The following URB1 variants were observed in gnomAD, a reference collection of about 807,000 sequenced individuals.
URB1 encodes the protein nucleolar pre-ribosomal-associated protein 1.
In URB1, 197 loss-of-function variants were observed where a neutral mutation model predicts 242.3. That is an observed-to-expected ratio of 0.81 (90% CI 0.72 to 0.91). The LOEUF (loss-of-function observed/expected upper bound fraction) is 0.91. Ranked by LOEUF, URB1 falls within the 40% of genes least tolerant of loss-of-function variation. URB1 has a pLI of 0.00. For missense variants in URB1, 2,721 were observed against 2,860.5 expected, an observed-to-expected ratio of 0.95 and a Z score of 1.11; for synonymous variants, 1,153 against 1,201.8, an observed-to-expected ratio of 0.96 and a Z score of 0.84.
At chr21:32,348,727 G>A (rs1218991171) in intron 21 of URB1, among the ~76,000 whole-genome samples, 1 of 152,204 alleles carries the variant, frequency 6.6e-6, no homozygotes, top group Non-Finnish European at 1.5e-5. Context: ...ACGCTGACTG[G>A]CTAATAATAG....
chr21:32,378,639 A>G, intron 4 of URB1, 98 bp from the exon 5 acceptor site: 3 of 937,850 alleles, frequency 3.2e-6, no homozygotes, highest in Non-Finnish European at 5.0e-6. Flanking sequence ...CCGTCTCAAC[A>G]TCACCAGCCC....
At chr21:32,378,322 C>T in intron 5 of URB1, 123 bp downstream of exon 5, 1 of 841,042 alleles carries the variant, frequency 1.2e-6, no homozygotes, top group Non-Finnish European at 1.9e-6. Flanking sequence ...GCCCCACATC[C>T]TTCAATCTGG....
chr21:32,314,792 G>A lies in URB1; in HGVS notation c.*126C>T, dbSNP rs2032654099. On this transcript the variant is annotated 3_prime_UTR_variant, in exon 39 of 39. Transcript: ENST00000382751. Reference sequence around the variant, plus strand: ...TCAACTTTTCTTGTCAAAGAACTGAGCCAATGTACTGAACCTGTTGTTTCC... The same window carrying A: ...TCAACTTTTCTTGTCAAAGAACTGAACCAATGTACTGAACCTGTTGTTTCC... The A allele has an allele frequency of 9.0e-6, 13 of 1,448,272 alleles. No homozygotes were observed. Among genetic ancestry groups the A allele is most frequent in the Non-Finnish European group, 1.1e-5 (12 of 1,063,648 alleles). The allele number at this position is 1,448,272 out of a possible 1,614,324, so 89.7% of individuals were successfully genotyped here.
chr21:32,379,769 C>T (rs563056264), intron 4 of URB1, among the ~76,000 whole-genome samples: 1 of 152,278 alleles, frequency 6.6e-6, no homozygotes, highest in East Asian at 1.9e-4. Context: ...GAGGGTGGAT[C>T]ACTTGAGGTT....
Position 32,321,237 on chromosome 21 carries a change from C to T in URB1, c.5484+564G>A, listed in dbSNP as rs1048865866. On this transcript the variant is annotated intron_variant, in intron 34 of 38. Coordinates refer to ENST00000382751, the MANE Select transcript of URB1 (RefSeq NM_014825.3). ...ACTACGCTAGAAATTAATCAAAATA[C>T]TAAAAGCTTTTCCTATTTCCTTCTA... is the stretch of plus-strand genomic sequence containing the variant. Among the ~76,000 whole-genome samples the T allele has an allele frequency of 5.3e-5, 8 of 152,238 alleles. No individual in the cohort carries two copies. The South Asian group carries it at 1.4e-3, about 28-fold the overall frequency.
Position 32,347,734 on chromosome 21 carries a change from G to A in URB1, c.3090C>T (p.Ala1030=). The change falls in exon 22 of 39, where the codon GCC becomes GCT. Residue 1030 remains alanine, a synonymous_variant. Coordinates refer to ENST00000382751, the MANE Select transcript of URB1 (RefSeq NM_014825.3). ...EGWFLALEQQ[A]LPPHTLSPVL... is the part of the protein sequence containing the mutation. The stretch of plus-strand genomic sequence containing the variant: ...CAGGGCTGAGCGTGTGCGGCGGGAG[G>A]GCCTGCTGCTCCAGGGCCAGGAACC... The A allele has an allele frequency of 1.9e-6, 3 of 1,550,160 alleles. No individual in the cohort carries two copies. The highest frequency in any genetic ancestry group is 1.2e-5 in the South Asian group (1 of 84,056).
intron 36 of URB1, among the ~76,000 whole-genome samples, chr21:32,318,709 T>A (rs546268733): frequency 6.6e-6 from 1 of 152,324 alleles, no homozygotes; most frequent in Non-Finnish European, 1.5e-5. Flanking sequence ...ATTTAGCTCT[T>A]CTGAGGAAAC....
At chr21:32,386,149 A>AG (rs2033581775) in intron 1 of URB1, among the ~76,000 whole-genome samples, 1 of 144,040 alleles carries the variant, frequency 6.9e-6, no homozygotes, top group Non-Finnish European at 1.5e-5. Context: ...ACTCTGTCTC[A>AG]GGAAAAAAAA....
At chr21:32,362,669 T>G (rs532787331) in intron 11 of URB1, among the ~76,000 whole-genome samples, 1 of 152,260 alleles carries the variant, frequency 6.6e-6, no homozygotes, top group Non-Finnish European at 1.5e-5. Context: ...AGCTGCCCTG[T>G]GTAACTGGGG....
rs954875276 is a variant in URB1, at chr21:32,378,482, A to G, written c.627T>C (p.Gly209=). 5.8e-6 allele frequency: 9 copies of G among 1,551,442 alleles called. No homozygotes were observed. The highest frequency in any genetic ancestry group is 2.0e-5 in the Admixed American group (1 of 50,966). ...VQFALSFLIA[G]DDSTIVQVLE... ...ACACCTGCACTATAGTGCTGTCATC[A>G]CCCGCAATTAAAAAGGAGAGAGCAA... Residue 209 remains glycine, a synonymous_variant, in exon 5 of 39, where the codon GGT becomes GGC. Transcript: ENST00000382751.
intron 25 of URB1, among the ~76,000 whole-genome samples, chr21:32,339,497 T>C (rs1234879515): frequency 1.3e-5 from 2 of 149,522 alleles, no homozygotes; most frequent in Admixed American, 6.6e-5. Context: ...TTTTTTTCTT[T>C]TTTTTTTTTT....
chr21:32,392,882 C>G lies in URB1; in HGVS notation c.29G>C (p.Gly10Ala). The change falls in exon 1 of 39, where the codon GGC becomes GCC. Residue 10 changes from glycine (G) to alanine (A), a missense_variant. Transcript: ENST00000382751. ...GGAGGAAGCCGCGCCGTCCTGGCCGCCCGAGGCCTTCCTCTTGGGGACCCC... is the reference window on the plus strand; with the variant it reads ...GGAGGAAGCCGCGCCGTCCTGGCCGGCCGAGGCCTTCCTCTTGGGGACCCC... MGVPKRKAS[G>A]GQDGAASSAG... 6.5e-7 allele frequency: 1 copy of G among 1,530,002 alleles called. No homozygotes were observed. Among genetic ancestry groups the G allele is most frequent in the South Asian group, 1.2e-5 (1 of 83,096 alleles). The allele number at this position is 1,530,002 out of a possible 1,614,324, so 94.8% of individuals were successfully genotyped here. A position where few individuals can be genotyped will look rare whatever the true frequency, so the allele number is the denominator to read the frequency against.
intron 30 of URB1, among the ~76,000 whole-genome samples, chr21:32,327,383 T>C (rs2032841671): frequency 6.6e-6 from 1 of 152,142 alleles, no homozygotes; most frequent in Non-Finnish European, 1.5e-5. Flanking sequence ...CCCATCAAAA[T>C]CTTTCAAAAG....
chr21:32,342,428 C>G (rs149446949), intron 24 of URB1, among the ~76,000 whole-genome samples: 1 of 152,258 alleles, frequency 6.6e-6, no homozygotes, highest in Non-Finnish European at 1.5e-5. Context: ...CAAGGAGATC[C>G]TGGACCCATC....
intron 23 of URB1, 107 bp from the exon 24 acceptor site, chr21:32,344,863 G>C (rs1253786168): frequency 7.9e-7 from 1 of 1,269,852 alleles, no homozygotes; most frequent in Non-Finnish European, 1.1e-6. Context: ...GCTGAGTCCT[G>C]CTCCCCACAC....
chr21:32,321,870 A>G lies in URB1; in HGVS notation c.5415T>C (p.Cys1805=), dbSNP rs1192964361. 1.3e-6 allele frequency: 2 copies of G among 1,551,718 alleles called. No individual in the cohort carries two copies. The highest frequency in any genetic ancestry group is 2.4e-5 in the South Asian group (2 of 84,062). Residue 1805 remains cysteine, a synonymous_variant, in exon 34 of 39, where the codon TGT becomes TGC. Coordinates refer to ENST00000382751, the MANE Select transcript of URB1 (RefSeq NM_014825.3). ...GIRDKQCYEL[C]ARRGIFHIIL... is the part of the protein sequence containing the mutation. ...TGATGTGGAAGATGCCACGCCGGGC[A>G]CACAGTTCGTAGCACTGCTTGTCAC...
rs754224339 is a variant in URB1 at position 32,392,931 on chromosome 21, G to T, written c.-21C>A. On this transcript the variant is annotated 5_prime_UTR_variant, in exon 1 of 39. Transcript: ENST00000382751. ...CCCATGGCCGAGAGGGCGGAAGCGC[G>T]ACGGAAACGACACACCTGAGGGGAC... 2 of 1,496,756 alleles carry T rather than the reference G, an allele frequency of 1.3e-6. No homozygotes were observed. The allele number at this position is 1,496,756 out of a possible 1,614,324, so 92.7% of individuals were successfully genotyped here. A position where few individuals can be genotyped will look rare whatever the true frequency, so the allele number is the denominator to read the frequency against.
chr21:32,368,961 GA>G (rs2033377275), intron 8 of URB1, among the ~76,000 whole-genome samples: 2 of 152,174 alleles, frequency 1.3e-5, no homozygotes. Flanking sequence ...CTACTGAAAA[GA>G]AAGGACAAAA....
intron 10 of URB1, among the ~76,000 whole-genome samples, chr21:32,365,858 A>G (rs969051479): frequency 6.6e-6 from 1 of 152,194 alleles, no homozygotes; most frequent in African/African-American, 2.4e-5. Context: ...TACTGAAGCC[A>G]CACAACAACT....
Sources: allele counts gnomAD v4.1 joint callset (sites outside exome capture counted in the v4.1 genomes callset), GRCh38; gene constraint gnomAD v4.1.1; transcripts MANE v1.5; gene names NCBI Gene and HGNC (gene_info 2026-07-23, HGNC 2026-07-21).